Variants in PPP1R16B observed in about 807,000 individuals in gnomAD.
PPP1R16B encodes the protein protein phosphatase 1 regulatory inhibitor subunit 16B.
A neutral mutation model predicts 61.7 loss-of-function variants in PPP1R16B; 14 were observed. The observed-to-expected ratio is 0.23, with a 90% CI of 0.15 to 0.35. The LOEUF (loss-of-function observed/expected upper bound fraction) is 0.35, where lower values mean the gene tolerates loss of function less well. Ranked by LOEUF, PPP1R16B falls within the 10% of genes least tolerant of loss-of-function variation. The pLI, the probability that PPP1R16B is intolerant of heterozygous loss-of-function variation, is 1.00. For missense variants in PPP1R16B, 547 were observed against 752.5 expected, an observed-to-expected ratio of 0.73 and a Z score of 3.19; for synonymous variants, 266 against 305.3, an observed-to-expected ratio of 0.87 and a Z score of 1.34.
intron 1 of PPP1R16B, among the ~76,000 whole-genome samples, chr20:38,827,942 A>G (rs567691586): frequency 6.6e-6 from 1 of 152,308 alleles, no homozygotes; most frequent in East Asian, 1.9e-4. Context: ...CTCATGCTCA[A>G]TGGTACAGGA....
At chr20:38,884,260 T>C (rs1360368461) in intron 2 of PPP1R16B, among the ~76,000 whole-genome samples, 1 of 152,174 alleles carries the variant, frequency 6.6e-6, no homozygotes, top group African/African-American at 2.4e-5. Context: ...GGCACTGTAT[T>C]CACACAGACT....
chr20:38,895,860 T>TTCCC (rs1484999355), intron 4 of PPP1R16B, 150 bp downstream of exon 4: 3 of 653,598 alleles, frequency 4.6e-6, no homozygotes, highest in Non-Finnish European at 6.9e-6. Context: ...TCCTTCTTTC[T>TTCCC]TCCCTCCCTC....
Position 38,906,027 on chromosome 20 carries a change from G to A in PPP1R16B, c.755G>A (p.Gly252Glu), listed in dbSNP as rs2085438764. 10 of 1,613,634 alleles carry A rather than the reference G, an allele frequency of 6.2e-6. No homozygotes were observed. The highest frequency in any genetic ancestry group is 8.5e-6 in the Non-Finnish European group (10 of 1,179,922). ...GCAGCTGAGCTCCTCCTGGACCATG[G>A]AGTGCGTGTGGATGTGAAGGACTGG... Reference protein sequence around the residue: ...LRAAELLLDHGVRVDVKDWDG... With the variant: ...LRAAELLLDHEVRVDVKDWDG... The change falls in exon 7 of 11, where the codon GGA (glycine) becomes GAA (glutamate). Residue 252 changes from glycine (G) to glutamate (E), a missense_variant. Physicochemically the swap from Gly to Glu is moderately conservative, Grantham distance 98. Coordinates refer to ENST00000299824, the MANE Select transcript of PPP1R16B (RefSeq NM_015568.4).
At chr20:38,838,188 T>C (rs796170979) in intron 2 of PPP1R16B, 18 of 152,410 alleles carry the variant, frequency 1.2e-4, no homozygotes, top group African/African-American at 4.3e-4. Context: ...GCCTGCTCAT[T>C]GTGAGCCAAG....
chr20:38,814,985 A>G (rs1883791108), intron 1 of PPP1R16B, among the ~76,000 whole-genome samples: 1 of 152,184 alleles, frequency 6.6e-6, no homozygotes, highest in African/African-American at 2.4e-5. Flanking sequence ...CCTTATAAAC[A>G]TTGCCAATTA....
intron 1 of PPP1R16B, among the ~76,000 whole-genome samples, chr20:38,834,282 AT>A (rs2084855404): frequency 6.6e-6 from 1 of 152,222 alleles, no homozygotes; most frequent in Non-Finnish European, 1.5e-5. Context: ...AAATGTTGAG[AT>A]TGCAGGCATT....
chr20:38,864,409 A>G (rs545611885), intron 2 of PPP1R16B, among the ~76,000 whole-genome samples: 1 of 152,362 alleles, frequency 6.6e-6, no homozygotes, highest in African/African-American at 2.4e-5. Context: ...ACTTACTAGC[A>G]CTTGCTAGTG....
chr20:38,837,981 T>C (rs1176879240), intron 2 of PPP1R16B: 1 of 152,216 alleles, frequency 6.6e-6, no homozygotes. Context: ...ATAACACCCA[T>C]TTTACAGATG....
At position 38,871,937 on chromosome 20, in the gene PPP1R16B, ACT is replaced by A. The variant is rs1270508745; in HGVS notation, c.251-17656_251-17655del. 2.6e-5 allele frequency among the ~76,000 whole-genome samples: 4 copies of A among 152,234 alleles called. No individual in the cohort carries two copies. In the East Asian group the frequency reaches 5.8e-4, roughly 22 times the overall value. On this transcript the variant is annotated intron_variant, in intron 2 of 10. Coordinates refer to ENST00000299824, the MANE Select transcript of PPP1R16B (RefSeq NM_015568.4). ...TGAAATTAATTTGAATAATTATTTA[ACT>A]CAACATTATTTCAATATGTATTTAG...
chr20:38,841,761 G>GCTT (rs1289108244), intron 2 of PPP1R16B, among the ~76,000 whole-genome samples: 1 of 152,174 alleles, frequency 6.6e-6, no homozygotes, highest in Non-Finnish European at 1.5e-5. Flanking sequence ...ATATATCAGG[G>GCTT]CTTCATTCCT....
At chr20:38,847,517 C>T (rs555954091) in intron 2 of PPP1R16B, among the ~76,000 whole-genome samples, 43 of 152,196 alleles carry the variant, frequency 2.8e-4, no homozygotes, top group African/African-American at 8.7e-4. Context: ...CCACCACACC[C>T]GGGTAATTTT....
chr20:38,903,417 A>T (rs1344110825), intron 6 of PPP1R16B, among the ~76,000 whole-genome samples: 1 of 151,886 alleles, frequency 6.6e-6, no homozygotes, highest in Non-Finnish European at 1.5e-5. Context: ...CTAGCACCCC[A>T]CTGCCTTGCC....
intron 10 of PPP1R16B, among the ~76,000 whole-genome samples, chr20:38,916,396 ATATG>A (rs2085541079): frequency 6.7e-6 from 1 of 148,350 alleles, no homozygotes; most frequent in Non-Finnish European, 1.5e-5. Context: ...ATATATTTAT[ATATG>A]TATGTTATAT....
intron 2 of PPP1R16B, among the ~76,000 whole-genome samples, chr20:38,877,513 T>C (rs1036497435): frequency 6.6e-6 from 1 of 152,072 alleles, no homozygotes; most frequent in Non-Finnish European, 1.5e-5. Flanking sequence ...GGTTTCACCA[T>C]GTTGGCCAGG....
At chr20:38,876,540 T>TA (rs11412139) in intron 2 of PPP1R16B, among the ~76,000 whole-genome samples, 118,009 of 149,480 alleles carry the variant, frequency 0.79, 46,891 homozygotes, top group African/African-American at 0.89. Context: ...TTTCAACCAT[T>TA]AAAAAAAAAA....
chr20:38,900,537 C>A, intron 4 of PPP1R16B, 44 bp from the exon 5 acceptor site: 1 of 1,541,240 alleles, frequency 6.5e-7, no homozygotes, highest in Non-Finnish European at 8.9e-7. Context: ...TAGACCAACC[C>A]TAGCCACACC....
In PPP1R16B at chr20:38,835,759, G is replaced by A. The variant is rs181830233; in HGVS notation, c.-101-66G>A. 130 of 829,024 alleles carry A rather than the reference G, an allele frequency of 1.6e-4. No homozygotes were observed. The African/African-American group carries it at 1.8e-3, about 12-fold the overall frequency. 51.4% of individuals were successfully genotyped at this position (829,024 alleles called of 1,614,324 possible). A position where few individuals can be genotyped will look rare whatever the true frequency, so the allele number is the denominator to read the frequency against. On this transcript the variant is annotated intron_variant, in intron 1 of 10. Transcript: ENST00000299824. ...AGCGTTTCGAACACGGGGCGTTGGG[G>A]GACGATCAGATCTGAGTTGTGGAGT...
chr20:38,834,182 TA>T (rs1025457708), intron 1 of PPP1R16B, among the ~76,000 whole-genome samples: 4 of 152,204 alleles, frequency 2.6e-5, no homozygotes, highest in Admixed American at 1.3e-4. Flanking sequence ...AAAATTATTT[TA>T]TTTTTTTGTA....
At chr20:38,854,344 A>C (rs2084989344) in intron 2 of PPP1R16B, among the ~76,000 whole-genome samples, 1 of 152,246 alleles carries the variant, frequency 6.6e-6, no homozygotes, top group African/African-American at 2.4e-5. Context: ...GCATAGACAC[A>C]ACAGTGATTT....
Sources: allele counts gnomAD v4.1 joint callset (sites outside exome capture counted in the v4.1 genomes callset), GRCh38; gene constraint gnomAD v4.1.1; transcripts MANE v1.5; gene names NCBI Gene and HGNC (gene_info 2026-07-23, HGNC 2026-07-21).